The following UTRN variants were observed in gnomAD, a reference collection of about 807,000 sequenced individuals.
UTRN encodes the protein utrophin, also known as dystrophin-related protein 1.
In UTRN, 283 loss-of-function variants were observed where a neutral mutation model predicts 463.9. The ratio of observed to expected loss-of-function variants is 0.61; its 90% CI spans 0.55 to 0.67. UTRN has a LOEUF of 0.67. Among genes scored for constraint, UTRN ranks in the 30% least tolerant of loss-of-function variants. The probability of loss-of-function intolerance (pLI) is 0.00; values close to 1 mark genes in which losing one functional copy is unlikely to be tolerated. For synonymous variants in UTRN, 1,442 were observed against 1,431.5 expected (o/e 1.01, Z -0.17); for missense variants, 3,922 against 4,084.3 (o/e 0.96, Z 1.08).
intron 69 of UTRN, 113 bp from the exon 70 acceptor site, chr6:144,835,667 A>G (rs1289225268): frequency 7.0e-7 from 1 of 1,435,222 alleles, no homozygotes. Flanking sequence ...CTGAGCTCTA[A>G]GACAAACTTG....
At chr6:144,591,724 T>G (rs1055575987) in intron 51 of UTRN, among the ~76,000 whole-genome samples, 1 of 152,096 alleles carries the variant, frequency 6.6e-6, no homozygotes, top group African/African-American at 2.4e-5. Context: ...GCCATCAGTT[T>G]TGAGTCTAAA....
intron 72 of UTRN, among the ~76,000 whole-genome samples, chr6:144,840,430 CT>C (rs1160647361): frequency 2.0e-5 from 3 of 152,048 alleles, no homozygotes; most frequent in African/African-American, 7.2e-5. Flanking sequence ...TAATAGATTT[CT>C]CATTCAAACA....
intron 2 of UTRN, among the ~76,000 whole-genome samples, chr6:144,300,040 T>C (rs2114529087): frequency 6.6e-6 from 1 of 152,226 alleles, no homozygotes; most frequent in African/African-American, 2.4e-5. Flanking sequence ...TAGACCACCG[T>C]AGCATTTTCC....
chr6:144,642,851 A>T (rs1265374903), intron 51 of UTRN, among the ~76,000 whole-genome samples: 1 of 152,022 alleles, frequency 6.6e-6, no homozygotes, highest in Non-Finnish European at 1.5e-5. Context: ...ATATTATTGG[A>T]TGTGCTTCTC....
At chr6:144,416,101 T>C (rs1486476109) in intron 3 of UTRN, among the ~76,000 whole-genome samples, 4 of 151,932 alleles carry the variant, frequency 2.6e-5, no homozygotes, top group Non-Finnish European at 5.9e-5. Flanking sequence ...GTGTGGCCTT[T>C]CTCCAGAGTT....
chr6:144,754,935 A>T (rs1488682335), intron 57 of UTRN, 137 bp downstream of exon 57: 4 of 751,646 alleles, frequency 5.3e-6, no homozygotes, highest in Non-Finnish European at 8.4e-6. Flanking sequence ...CTAACATCAA[A>T]GAAAATATTG....
In UTRN at chr6:144,473,608, C is replaced by T. The variant is rs867123391; in HGVS notation, c.3067-112C>T. 31 of 609,010 alleles carry T rather than the reference C, an allele frequency of 5.1e-5. No individual in the cohort carries two copies. The Middle Eastern group carries it at 1.0e-3, about 20-fold the overall frequency. The allele number at this position is 609,010 out of a possible 1,614,324, so 37.7% of individuals were successfully genotyped here. On this transcript the variant is annotated intron_variant, in intron 23 of 74. Coordinates refer to ENST00000367545, the MANE Select transcript of UTRN (RefSeq NM_007124.3). ...GAAAAAGAAATAACATAAATGAAAG[C>T]GATGCTATCGGAGCTTTAAAAAGTT...
rs117934798 is a variant in UTRN at position 144,738,024 on chromosome 6, T to C, written c.7939+7538T>C. ...TAAAAACACAAAGGCCAAGAAGATA[T>C]TATGGTGCTGACCAAAGTCATCCAG... On this transcript the variant is annotated intron_variant, in intron 54 of 74. Coordinates refer to ENST00000367545, the MANE Select transcript of UTRN (RefSeq NM_007124.3). 1.7e-3 allele frequency among the ~76,000 whole-genome samples: 265 copies of C among 152,242 alleles called. 5 individuals carry two copies. In the East Asian group the frequency reaches 0.04, roughly 23 times the overall value.
At chr6:144,750,755 G>A (rs573210243) in intron 55 of UTRN, among the ~76,000 whole-genome samples, 1 of 152,036 alleles carries the variant, frequency 6.6e-6, no homozygotes, top group Non-Finnish European at 1.5e-5. Flanking sequence ...GTGGGCCTTT[G>A]TCAATAGAAA....
At chr6:144,424,316 T>G (rs964600670) in intron 6 of UTRN, among the ~76,000 whole-genome samples, 4 of 152,196 alleles carry the variant, frequency 2.6e-5, no homozygotes, top group African/African-American at 7.2e-5. Context: ...TGGTGGTTTG[T>G]CTGCAATTTT....
intron 52 of UTRN, among the ~76,000 whole-genome samples, chr6:144,689,144 T>G (rs1783059694): frequency 6.6e-6 from 1 of 152,330 alleles, no homozygotes; most frequent in East Asian, 1.9e-4. Flanking sequence ...ACTGTGACTC[T>G]ACCCCTCATG....
rs1469814181 is a variant in UTRN at position 144,285,451 on chromosome 6, G to A, written c.-463G>A. ...CGATTGGGGAATCACGGGGAGCGGCGCCCCCCTTCTTTTGGGTCATTTCTG... is the reference window on the plus strand; with the variant it reads ...CGATTGGGGAATCACGGGGAGCGGCACCCCCCTTCTTTTGGGTCATTTCTG... On this transcript the variant is annotated 5_prime_UTR_variant, in exon 1 of 75. Coordinates refer to ENST00000367545, the MANE Select transcript of UTRN (RefSeq NM_007124.3). Among the ~76,000 whole-genome samples the A allele has an allele frequency of 2.0e-5, 3 of 152,310 alleles. No homozygotes were observed. Among genetic ancestry groups the A allele is most frequent in the Non-Finnish European group, 4.4e-5 (3 of 68,022 alleles).
At chr6:144,726,244 G>A (rs1787867025) in intron 53 of UTRN, among the ~76,000 whole-genome samples, 1 of 152,194 alleles carries the variant, frequency 6.6e-6, no homozygotes. Context: ...AGGAAGCAGT[G>A]CAGTGGTCTT....
At chr6:144,416,227 A>G (rs892717643) in intron 3 of UTRN, among the ~76,000 whole-genome samples, 2 of 152,136 alleles carry the variant, frequency 1.3e-5, no homozygotes, top group African/African-American at 2.4e-5. Flanking sequence ...CCTGTAGACA[A>G]GATCTATTTG....
intron 19 of UTRN, among the ~76,000 whole-genome samples, chr6:144,458,409 G>A (rs900052760): frequency 1.3e-5 from 2 of 151,968 alleles, no homozygotes; most frequent in Non-Finnish European, 2.9e-5. Flanking sequence ...TTCTGAAGTC[G>A]GGCCTAGACA....
chr6:144,375,023 T>C (rs1780336065), intron 2 of UTRN, among the ~76,000 whole-genome samples: 1 of 151,684 alleles, frequency 6.6e-6, no homozygotes, highest in African/African-American at 2.4e-5. Context: ...TGAACTATCC[T>C]TTCCATGTTT....
At chr6:144,790,517 A>G (rs1562914975) in intron 62 of UTRN, among the ~76,000 whole-genome samples, 3 of 152,222 alleles carry the variant, frequency 2.0e-5, no homozygotes, top group African/African-American at 7.2e-5. Flanking sequence ...TTTGACAAGA[A>G]TGTCAGTGAA....
chr6:144,342,900 G>C (rs1023189560), intron 2 of UTRN, among the ~76,000 whole-genome samples: 1 of 152,030 alleles, frequency 6.6e-6, no homozygotes, highest in Non-Finnish European at 1.5e-5. Flanking sequence ...TGCTTTTCCC[G>C]GTCTCCCTCC....
chr6:144,603,706 T>G (rs1804514186), intron 51 of UTRN, among the ~76,000 whole-genome samples: 1 of 152,198 alleles, frequency 6.6e-6, no homozygotes, highest in East Asian at 1.9e-4. Context: ...ACTTTCGATA[T>G]TTCATGAAAA....
Sources: gnomAD v4.1 joint callset for allele counts (sites outside exome capture counted in the v4.1 genomes callset) on GRCh38, gnomAD v4.1.1 for gene constraint, MANE v1.5 for transcripts, NCBI Gene and HGNC (gene_info 2026-07-23, HGNC 2026-07-21) for gene names.